Variants in USP34 observed in about 807,000 individuals in gnomAD.
USP34 encodes ubiquitin specific peptidase 34.
A neutral mutation model predicts 460.3 loss-of-function variants in USP34; 70 were observed. That is an observed-to-expected ratio of 0.15 (90% confidence interval 0.13 to 0.19). The LOEUF (loss-of-function observed/expected upper bound fraction) is 0.19, where lower values mean the gene tolerates loss of function less well. USP34 is among the 10% of genes least tolerant of loss of function. The pLI is 1.00. For missense variants in USP34, 3,985 were observed against 4,236.2 expected (o/e 0.94, Z 1.65); for synonymous variants, 1,647 against 1,405.3 (o/e 1.17, Z -3.85).
chr2:61,353,455 G>A (rs535774409), intron 10 of USP34, among the ~76,000 whole-genome samples: 20 of 149,950 alleles, frequency 1.3e-4, no homozygotes, highest in Middle Eastern at 3.4e-3. Context: ...GCAGTGGTGC[G>A]ATCTCAGCTC....
chr2:61,350,933 A>G (rs1165035700), intron 10 of USP34, among the ~76,000 whole-genome samples: 1 of 152,214 alleles, frequency 6.6e-6, no homozygotes, highest in African/African-American at 2.4e-5. Flanking sequence ...CCTAATTATA[A>G]GAGGGAAGGC....
At chr2:61,382,219 C>T (rs1692994786) in intron 6 of USP34, among the ~76,000 whole-genome samples, 1 of 152,142 alleles carries the variant, frequency 6.6e-6, no homozygotes, top group East Asian at 1.9e-4. Flanking sequence ...CATGAAACAT[C>T]TGCTAAAAAC....
At chr2:61,277,486 C>T (rs1053691914) in intron 41 of USP34, among the ~76,000 whole-genome samples, 3 of 152,134 alleles carry the variant, frequency 2.0e-5, no homozygotes, top group African/African-American at 4.8e-5. Flanking sequence ...ATCCACCTAC[C>T]TCAGCCACTC....
intron 27 of USP34, among the ~76,000 whole-genome samples, chr2:61,310,519 T>C (rs55923232): frequency 0.035 from 5,268 of 151,538 alleles, 306 homozygotes; most frequent in African/African-American, 0.12. Context: ...ATTTGTGCTT[T>C]AAATATATAT....
At chr2:61,314,407 A>C (rs1394168391) in intron 25 of USP34, among the ~76,000 whole-genome samples, 178 bp downstream of exon 25, 4 of 152,176 alleles carry the variant, frequency 2.6e-5, no homozygotes, top group African/African-American at 9.6e-5. Context: ...TGCCTATTCC[A>C]AGGCAAAATG....
intron 25 of USP34, among the ~76,000 whole-genome samples, chr2:61,313,638 A>G (rs1346069238): frequency 6.6e-6 from 1 of 152,156 alleles, no homozygotes; most frequent in African/African-American, 2.4e-5. Flanking sequence ...GGTTAAAGTT[A>G]TAAGGCAGTA....
chr2:61,331,230 A>C (rs771899774), intron 20 of USP34, 46 bp downstream of exon 20: 1 of 1,485,470 alleles, frequency 6.7e-7, no homozygotes, highest in Admixed American at 2.0e-5. Context: ...CTTTCAAAGG[A>C]AAGACATCGA....
At chr2:61,232,426 T>A in intron 58 of USP34, 26 bp downstream of exon 58, 1 of 1,556,962 alleles carries the variant, frequency 6.4e-7, no homozygotes, top group Non-Finnish European at 8.8e-7. Flanking sequence ...TTCCAAATAA[T>A]TTTTTTCAAA....
At chr2:61,263,786 G>A (rs917179173) in intron 43 of USP34, among the ~76,000 whole-genome samples, 1 of 152,072 alleles carries the variant, frequency 6.6e-6, no homozygotes, top group Admixed American at 6.5e-5. Context: ...CCCACACGCA[G>A]CTAATTTTTG....
chr2:61,392,413 C>T (rs1246683769), intron 5 of USP34, among the ~76,000 whole-genome samples: 1 of 152,104 alleles, frequency 6.6e-6, no homozygotes, highest in African/African-American at 2.4e-5. Flanking sequence ...CACAGGAGGT[C>T]AGGAGTTCGA....
intron 75 of USP34, chr2:61,193,241 C>CCTG: frequency 3.9e-6 from 1 of 254,722 alleles, no homozygotes; most frequent in Non-Finnish European, 7.4e-6. Flanking sequence ...AGTATTAGAA[C>CCTG]TTTATCTGGG....
chr2:61,361,959 A>G (rs1251401550), intron 10 of USP34, among the ~76,000 whole-genome samples: 3 of 152,040 alleles, frequency 2.0e-5, no homozygotes, highest in African/African-American at 7.2e-5. Flanking sequence ...ATACAACTCA[A>G]TAGCAAAAAA....
At chr2:61,276,459 A>G (rs188965874) in intron 41 of USP34, among the ~76,000 whole-genome samples, 3 of 152,330 alleles carry the variant, frequency 2.0e-5, no homozygotes, top group African/African-American at 7.2e-5. Context: ...TATAAACTGT[A>G]AAATTTCTAT....
intron 5 of USP34, among the ~76,000 whole-genome samples, chr2:61,394,102 C>T (rs999109233): frequency 6.6e-6 from 1 of 152,044 alleles, no homozygotes; most frequent in African/African-American, 2.4e-5. Flanking sequence ...GCCTGGGGAA[C>T]AAAGTGAGAC....
rs1687339832 is a variant in USP34 at position 61,214,123 on chromosome 2, A to C, written c.8619T>G (p.Ala2873=). The part of the protein sequence containing the change: ...EQSPAFTRQL[A]SHQNIQWAFK... The stretch of plus-strand genomic sequence containing the variant: ...AGGCCCACTGGATGTTCTGGTGAGA[A>C]GCCAGTTGTCGTGTGAATGCAGGAG... The change falls in exon 68 of 80, where the codon GCT becomes GCG. Residue 2873 remains alanine (A), a synonymous_variant. Transcript: ENST00000398571. 2 of 1,614,232 alleles carry C rather than the reference A, an allele frequency of 1.2e-6. No homozygotes were observed. Among genetic ancestry groups the C allele is most frequent in the Middle Eastern group, 1.6e-4 (1 of 6,062 alleles).
At position 61,194,102 on chromosome 2, in the gene USP34, G is replaced by C. The variant is rs1029080066; in HGVS notation, c.9509-1122C>G. 13 of 985,238 alleles carry C rather than the reference G, an allele frequency of 1.3e-5. No individual in the cohort carries two copies. In the Admixed American group the frequency reaches 8.0e-4, roughly 61 times the overall value. 61.0% of individuals were successfully genotyped at this position (985,238 alleles called of 1,614,324 possible). A position where few individuals can be genotyped will look rare whatever the true frequency, so the allele number is the denominator to read the frequency against. On this transcript the variant is annotated intron_variant, in intron 75 of 79. Transcript: ENST00000398571. Reference sequence around the variant, plus strand: ...GTGGGTTGTAATTTGCCAAACCGTGGGTTAGACCAAGGACTTGAGAACATC... The same window carrying C: ...GTGGGTTGTAATTTGCCAAACCGTGCGTTAGACCAAGGACTTGAGAACATC...
chr2:61,394,892 T>A lies in USP34; in HGVS notation c.714A>T (p.Pro238=). ...TAATAAACGCATGTGCTATAAGAAATGGCAAAGTTTCAGGAGTTCCATATT... is the reference window on the plus strand; with the variant it reads ...TAATAAACGCATGTGCTATAAGAAAAGGCAAAGTTTCAGGAGTTCCATATT... The part of the protein sequence containing the change: ...CFEYGTPETL[P]FLIAHAFITV... Residue 238 remains proline, a synonymous_variant, in exon 5 of 80, where the codon CCA becomes CCT. Transcript: ENST00000398571. The A allele has an allele frequency of 6.3e-7, 1 of 1,597,644 alleles. No homozygotes were observed. Among genetic ancestry groups the A allele is most frequent in the Non-Finnish European group, 8.5e-7 (1 of 1,174,860 alleles).
intron 27 of USP34, among the ~76,000 whole-genome samples, chr2:61,310,621 TA>T (rs1391036906): frequency 1.3e-5 from 2 of 150,460 alleles, no homozygotes; most frequent in Non-Finnish European, 3.0e-5. Flanking sequence ...ACATATATAT[TA>T]AATATCAGAT....
intron 23 of USP34, among the ~76,000 whole-genome samples, chr2:61,315,505 C>T (rs536118886): frequency 6.6e-6 from 1 of 152,110 alleles, no homozygotes; most frequent in African/African-American, 2.4e-5. Flanking sequence ...TCCTAAGTAG[C>T]TGGGATTACA....
Sources: allele counts gnomAD v4.1 joint callset (sites outside exome capture counted in the v4.1 genomes callset), GRCh38; gene constraint gnomAD v4.1.1; transcripts MANE v1.5; gene names NCBI Gene and HGNC (gene_info 2026-07-23, HGNC 2026-07-21).